Variants in NPAS3 observed in about 807,000 individuals in gnomAD.
NPAS3 encodes neuronal PAS domain-containing protein 3.
Under a neutral mutation model 73.1 loss-of-function variants are expected in NPAS3, and 14 were observed. The observed-to-expected ratio is 0.19, with a 90% CI of 0.13 to 0.30. NPAS3 has a LOEUF of 0.30. Among genes scored for constraint, NPAS3 ranks in the 10% least tolerant of loss-of-function variants. The pLI, the probability that NPAS3 is intolerant of heterozygous loss-of-function variation, is 1.00. For missense variants in NPAS3, 1,096 were observed against 1,250.0 expected (o/e 0.88, Z 1.86); for synonymous variants, 620 against 541.5 (o/e 1.14, Z -2.01).
At chr14:33,469,298 TAA>T (rs564336534) in intron 4 of NPAS3, among the ~76,000 whole-genome samples, 19 of 142,336 alleles carry the variant, frequency 1.3e-4, no homozygotes, top group South Asian at 2.3e-4. Flanking sequence ...AAGTTTTCTT[TAA>T]AAAAAAAAAA....
chr14:33,628,728 A>G (rs893219793), intron 5 of NPAS3, among the ~76,000 whole-genome samples: 5 of 152,198 alleles, frequency 3.3e-5, no homozygotes, highest in African/African-American at 1.2e-4. Flanking sequence ...CTTCTGTCTT[A>G]CTTTTATTTT....
At chr14:33,125,294 A>G (rs1360295413) in intron 2 of NPAS3, among the ~76,000 whole-genome samples, 1 of 152,148 alleles carries the variant, frequency 6.6e-6, no homozygotes, top group African/African-American at 2.4e-5. Flanking sequence ...TTAACTCTGA[A>G]GTGTAACGGA....
chr14:32,939,523 A>T (rs1488877206), intron 1 of NPAS3, among the ~76,000 whole-genome samples, 157 bp downstream of exon 1: 1 of 141,078 alleles, frequency 7.1e-6, no homozygotes, highest in African/African-American at 2.6e-5. Context: ...GGCCCCGCGC[A>T]TTGTCCCCGC....
At chr14:32,965,620 T>C (rs1333884736) in intron 1 of NPAS3, among the ~76,000 whole-genome samples, 2 of 152,002 alleles carry the variant, frequency 1.3e-5, no homozygotes, top group Non-Finnish European at 2.9e-5. Context: ...TGGGGAAAAA[T>C]TGAAACCTTT....
At chr14:32,998,509 A>G (rs1489014563) in intron 1 of NPAS3, among the ~76,000 whole-genome samples, 1 of 152,208 alleles carries the variant, frequency 6.6e-6, no homozygotes, top group Non-Finnish European at 1.5e-5. Flanking sequence ...CTTTAAAATG[A>G]TTAATGTTGT....
intron 1 of NPAS3, among the ~76,000 whole-genome samples, chr14:33,025,188 C>T (rs1011770957): frequency 5.9e-5 from 9 of 152,178 alleles, no homozygotes; most frequent in Non-Finnish European, 1.0e-4. Flanking sequence ...CTGGCTTAAA[C>T]GGTTTTGAGC....
At chr14:33,015,585 C>T (rs543945290) in intron 1 of NPAS3, among the ~76,000 whole-genome samples, 44 of 100,900 alleles carry the variant, frequency 4.4e-4, no homozygotes, top group African/African-American at 1.0e-3. Context: ...TAAGGACTAA[C>T]CTTTCTCTTT....
At chr14:33,668,025 A>AC (rs2059504429) in intron 5 of NPAS3, among the ~76,000 whole-genome samples, 1 of 151,956 alleles carries the variant, frequency 6.6e-6, no homozygotes, top group Admixed American at 6.6e-5. Flanking sequence ...ATTTTTAAAG[A>AC]CCCCCTCATG....
chr14:33,237,471 G>T (rs945600988), intron 3 of NPAS3, among the ~76,000 whole-genome samples: 3 of 151,966 alleles, frequency 2.0e-5, no homozygotes, highest in Non-Finnish European at 2.9e-5. Flanking sequence ...TGTGGATGTG[G>T]GATGTTTCAA....
chr14:33,595,694 G>A (rs2057217081), intron 5 of NPAS3, among the ~76,000 whole-genome samples: 1 of 151,596 alleles, frequency 6.6e-6, no homozygotes, highest in Admixed American at 6.6e-5. Flanking sequence ...TTTTTGAGAT[G>A]GAGTCTGGCC....
chr14:33,434,043 T>A (rs1036652950), intron 4 of NPAS3, among the ~76,000 whole-genome samples: 4 of 151,682 alleles, frequency 2.6e-5, no homozygotes, highest in African/African-American at 9.7e-5. Flanking sequence ...ATAACAAAAA[T>A]TAGCTGGGCG....
intron 4 of NPAS3, among the ~76,000 whole-genome samples, chr14:33,546,968 C>T (rs2054874042): frequency 6.6e-6 from 1 of 152,040 alleles, no homozygotes; most frequent in South Asian, 2.1e-4. Flanking sequence ...ATGAAAGGCT[C>T]CTGTCGTGGC....
At chr14:33,615,283 G>T (rs2057878392) in intron 5 of NPAS3, among the ~76,000 whole-genome samples, 1 of 152,156 alleles carries the variant, frequency 6.6e-6, no homozygotes, top group Admixed American at 6.5e-5. Context: ...GGCAGGGAAA[G>T]GCATAAACTA....
At chr14:33,289,735 T>G (rs1175571612) in intron 3 of NPAS3, among the ~76,000 whole-genome samples, 1 of 151,706 alleles carries the variant, frequency 6.6e-6, no homozygotes, top group Non-Finnish European at 1.5e-5. Context: ...GGCAGGAGAA[T>G]TGCTTGAGCC....
intron 4 of NPAS3, among the ~76,000 whole-genome samples, chr14:33,372,025 A>G (rs190256816): frequency 6.6e-6 from 1 of 152,330 alleles, no homozygotes; most frequent in East Asian, 1.9e-4. Flanking sequence ...AAAAATGATA[A>G]GGGCAATTTT....
At chr14:33,257,805 A>G (rs1218427470) in intron 3 of NPAS3, among the ~76,000 whole-genome samples, 1 of 152,122 alleles carries the variant, frequency 6.6e-6, no homozygotes, top group Non-Finnish European at 1.5e-5. Context: ...TTGTCTTTTA[A>G]TGTGTGTTTT....
chr14:33,075,385 C>T (rs2041622474), intron 2 of NPAS3, among the ~76,000 whole-genome samples: 1 of 152,104 alleles, frequency 6.6e-6, no homozygotes, highest in South Asian at 2.1e-4. Context: ...GTTATTTTTG[C>T]AATTTATATT....
intron 1 of NPAS3, among the ~76,000 whole-genome samples, chr14:32,951,392 T>C (rs1020581681): frequency 2.6e-4 from 39 of 152,262 alleles, no homozygotes; most frequent in Admixed American, 2.4e-3. Context: ...GTGCTTGTTA[T>C]ATAGATTTCA....
At chr14:33,353,101 C>T (rs1230767989) in intron 3 of NPAS3, among the ~76,000 whole-genome samples, 2 of 151,240 alleles carry the variant, frequency 1.3e-5, no homozygotes, top group Non-Finnish European at 2.9e-5. Flanking sequence ...AAATCTCTTT[C>T]TCACTTGCCA....
Sources: allele counts gnomAD v4.1 joint callset (sites outside exome capture counted in the v4.1 genomes callset), GRCh38; gene constraint gnomAD v4.1.1; transcripts MANE v1.5; gene names NCBI Gene and HGNC (gene_info 2026-07-23, HGNC 2026-07-21).